Variants in ERC2 observed in about 807,000 individuals in gnomAD.
The protein encoded by ERC2 is ERC protein 2.
A neutral mutation model predicts 114.8 loss-of-function variants in ERC2; 42 were observed. The ratio of observed to expected loss-of-function variants is 0.37; its 90% CI spans 0.29 to 0.47. The LOEUF (loss-of-function observed/expected upper bound fraction) is 0.47, where lower values mean the gene tolerates loss of function less well. Ranked by LOEUF, ERC2 falls within the 20% of genes least tolerant of loss-of-function variation. The probability of loss-of-function intolerance (pLI) is 0.99; values close to 1 mark genes in which losing one functional copy is unlikely to be tolerated. For synonymous variants in ERC2, 454 were observed against 425.5 expected (o/e 1.07, Z -0.82); for missense variants, 939 against 1,150.7 (o/e 0.82, Z 2.66).
At chr3:56,029,274 G>C (rs1201710843) in intron 7 of ERC2, among the ~76,000 whole-genome samples, 1 of 150,338 alleles carries the variant, frequency 6.7e-6, no homozygotes, top group Non-Finnish European at 1.5e-5. Flanking sequence ...CGGGTTTTTG[G>C]CTTTATTCTT....
chr3:56,132,624 G>A (rs181591566), intron 6 of ERC2, among the ~76,000 whole-genome samples: 17 of 152,052 alleles, frequency 1.1e-4, no homozygotes, highest in African/African-American at 2.2e-4. Context: ...GCGACAGAGC[G>A]AGACTCCGTC....
intron 15 of ERC2, among the ~76,000 whole-genome samples, chr3:55,706,144 TCCTG>T (rs1410561673): frequency 1.3e-5 from 2 of 152,178 alleles, no homozygotes; most frequent in African/African-American, 4.8e-5. Flanking sequence ...ATAGCCAGCA[TCCTG>T]GCCCCTCAGT....
chr3:56,282,846 AT>A (rs1376449520), intron 3 of ERC2, among the ~76,000 whole-genome samples: 10 of 152,332 alleles, frequency 6.6e-5, no homozygotes, highest in African/African-American at 2.4e-4. Context: ...AAATGTGGTC[AT>A]TTTAGATCAT....
At chr3:55,772,367 T>C (rs988099500) in intron 14 of ERC2, among the ~76,000 whole-genome samples, 1 of 151,720 alleles carries the variant, frequency 6.6e-6, no homozygotes, top group Non-Finnish European at 1.5e-5. Context: ...CAGGCTGGAG[T>C]GCAGTGGCGC....
At chr3:55,806,681 A>G (rs1188781053) in intron 14 of ERC2, among the ~76,000 whole-genome samples, 1 of 152,168 alleles carries the variant, frequency 6.6e-6, no homozygotes, top group Non-Finnish European at 1.5e-5. Flanking sequence ...CAAAGGACAG[A>G]CCCTACAACA....
rs116279804 is a variant in ERC2 at position 55,624,306 on chromosome 3, G to C, written c.*39+59488C>G. 9.8e-3 allele frequency among the ~76,000 whole-genome samples: 1,500 copies of C among 152,352 alleles called. 23 individuals carry two copies. Among genetic ancestry groups the C allele is most frequent in the African/African-American group, 0.035 (1,445 of 41,580 alleles). ...CTGCGCAGGGGGGCCCATGCGGGAG[G>C]AATGTGAGGACGAGTCTGAGGTAGT... On this transcript the variant is annotated intron_variant, in intron 17 of 17. Coordinates refer to ENST00000288221, the MANE Select transcript of ERC2 (RefSeq NM_015576.3).
intron 15 of ERC2, among the ~76,000 whole-genome samples, chr3:55,728,370 G>C (rs957726710): frequency 1.3e-5 from 2 of 152,178 alleles, no homozygotes; most frequent in Non-Finnish European, 2.9e-5. Flanking sequence ...AAAAATGTCA[G>C]CTTGGCAGAT....
At chr3:55,926,562 T>C (rs1252349879) in intron 13 of ERC2, among the ~76,000 whole-genome samples, 3 of 152,216 alleles carry the variant, frequency 2.0e-5, no homozygotes, top group Non-Finnish European at 4.4e-5. Flanking sequence ...CTATGTTCCA[T>C]GGACTACAGA....
At chr3:56,168,434 A>G (rs944434065) in intron 4 of ERC2, among the ~76,000 whole-genome samples, 2 of 152,200 alleles carry the variant, frequency 1.3e-5, no homozygotes, top group African/African-American at 2.4e-5. Context: ...CACAAATTTC[A>G]TATGAACACA....
intron 2 of ERC2, among the ~76,000 whole-genome samples, chr3:56,298,851 T>A (rs1045843649): frequency 6.6e-6 from 1 of 152,280 alleles, no homozygotes; most frequent in Non-Finnish European, 1.5e-5. Context: ...AATTGTATGG[T>A]ACATAAATTA....
At chr3:55,928,897 T>G (rs2065905966) in intron 13 of ERC2, among the ~76,000 whole-genome samples, 1 of 152,230 alleles carries the variant, frequency 6.6e-6, no homozygotes, top group Non-Finnish European at 1.5e-5. Flanking sequence ...CTTGGCAACT[T>G]TGTTGAAAAC....
chr3:55,782,464 C>A (rs2069135421), intron 14 of ERC2, among the ~76,000 whole-genome samples: 1 of 152,180 alleles, frequency 6.6e-6, no homozygotes, highest in African/African-American at 2.4e-5. Flanking sequence ...GTACCCGTCT[C>A]TCCATTTCAC....
At position 55,978,694 on chromosome 3, in the gene ERC2, C is replaced by T. The variant is rs573077256; in HGVS notation, c.2267+7283G>A. Among the ~76,000 whole-genome samples the T allele has an allele frequency of 1.1e-3, 174 of 152,292 alleles. 1 individual carries two copies. In the South Asian group the frequency reaches 0.013, roughly 11 times the overall value. The stretch of plus-strand genomic sequence containing the variant: ...CTATAATATAATTGTCTCCACTTTA[C>T]AGATACAGAGATAGGCTTAAAGAAA... On this transcript the variant is annotated intron_variant, in intron 12 of 17. Coordinates refer to ENST00000288221, the MANE Select transcript of ERC2 (RefSeq NM_015576.3).
At chr3:55,664,737 G>A (rs1279218177) in intron 17 of ERC2, among the ~76,000 whole-genome samples, 1 of 152,128 alleles carries the variant, frequency 6.6e-6, no homozygotes, top group African/African-American at 2.4e-5. Flanking sequence ...GCGAGGTTGT[G>A]GGGAAACCAA....
At chr3:55,963,371 G>A (rs762509845) in intron 12 of ERC2, among the ~76,000 whole-genome samples, 105 of 152,190 alleles carry the variant, frequency 6.9e-4, no homozygotes, top group Non-Finnish European at 1.5e-3. Context: ...GAGACAAAGA[G>A]TTTGGAGATA....
intron 3 of ERC2, among the ~76,000 whole-genome samples, chr3:56,227,934 CAAT>C (rs1306589430): frequency 1.3e-5 from 2 of 152,008 alleles, no homozygotes; most frequent in African/African-American, 4.8e-5. Context: ...GGAAATTGCA[CAAT>C]AATAAAACAT....
chr3:55,743,741 T>C (rs1259658560), intron 14 of ERC2, among the ~76,000 whole-genome samples: 1 of 152,172 alleles, frequency 6.6e-6, no homozygotes, highest in East Asian at 1.9e-4. Context: ...CTTTATTTAG[T>C]GCTGGGGCTT....
At chr3:55,671,526 T>C (rs142325128) in intron 17 of ERC2, among the ~76,000 whole-genome samples, 128 of 152,302 alleles carry the variant, frequency 8.4e-4, no homozygotes, top group Non-Finnish European at 1.5e-3. Context: ...CGACATCCTT[T>C]GAGAAAGGCC....
chr3:55,866,613 C>T (rs138175380), intron 14 of ERC2, among the ~76,000 whole-genome samples: 11 of 151,912 alleles, frequency 7.2e-5, no homozygotes, highest in African/African-American at 2.6e-4. Context: ...ACATTTAGGT[C>T]TATGATCCAT....
Sources: allele counts gnomAD v4.1 joint callset (sites outside exome capture counted in the v4.1 genomes callset), GRCh38; gene constraint gnomAD v4.1.1; transcripts MANE v1.5; gene names NCBI Gene and HGNC (gene_info 2026-07-23, HGNC 2026-07-21).